Variants in THNSL1 observed in about 807,000 individuals in gnomAD.
THNSL1 encodes threonine synthase-like 1.
THNSL1 carries 48 observed loss-of-function variants against 50.4 expected under a neutral mutation model. The ratio of observed to expected loss-of-function variants is 0.95; its 90% CI spans 0.76 to 1.21. THNSL1 has a LOEUF of 1.21. Among genes scored for constraint, THNSL1 ranks in the 50% most tolerant of loss-of-function variants. THNSL1 has a pLI of 0.00. For synonymous variants in THNSL1, 309 were observed against 306.1 expected, an observed-to-expected ratio of 1.01 and a Z score of -0.10; for missense variants, 896 against 871.7, an observed-to-expected ratio of 1.03 and a Z score of -0.35.
chr10:24,998,358 CCTCT>C, the THNSL1 span, among the ~76,000 whole-genome samples: 4,141 of 117,272 alleles, frequency 0.035, 220 homozygotes, highest in African/African-American at 0.12. Flanking sequence ...TTCCTTCCTT[CCTCT>C]CTCTCTCTCT....
At chr10:24,966,277 A>T in the THNSL1 span, among the ~76,000 whole-genome samples, 2 of 152,256 alleles carry the variant, frequency 1.3e-5, no homozygotes, top group Non-Finnish European at 2.9e-5. Context: ...AAAAAATGAA[A>T]TGTGTGCAAA....
upstream of THNSL1, among the ~76,000 whole-genome samples, chr10:25,012,026 C>T (rs752430515): frequency 6.6e-6 from 1 of 152,182 alleles, no homozygotes; most frequent in African/African-American, 2.4e-5. Flanking sequence ...GGACTTGGTG[C>T]CCTGAGTCAC....
chr10:24,964,375 G>A, the THNSL1 span, among the ~76,000 whole-genome samples: 1 of 152,200 alleles, frequency 6.6e-6, no homozygotes, highest in African/African-American at 2.4e-5. Context: ...AATAACGAGA[G>A]AAAAGTTTGT....
intron 1 of THNSL1, among the ~76,000 whole-genome samples, chr10:25,017,038 GGGACCGCCCCTT>G (rs1339372682): frequency 6.6e-6 from 1 of 152,136 alleles, no homozygotes; most frequent in Non-Finnish European, 1.5e-5. Flanking sequence ...CCCTGCTCCC[GGGACCGCCCCTT>G]GGGCGGTCCT....
the THNSL1 span, among the ~76,000 whole-genome samples, chr10:24,963,026 A>C: frequency 6.6e-6 from 1 of 151,266 alleles, no homozygotes; most frequent in South Asian, 2.1e-4. Flanking sequence ...CAGAAATAAT[A>C]ATTTCTTTCT....
the THNSL1 span, among the ~76,000 whole-genome samples, chr10:25,006,393 C>G: frequency 2.0e-5 from 3 of 152,074 alleles, no homozygotes; most frequent in Non-Finnish European, 2.9e-5. Flanking sequence ...AACATTTGTG[C>G]TCCTCTGTGA....
At chr10:24,986,660 G>A in the THNSL1 span, among the ~76,000 whole-genome samples, 1 of 152,104 alleles carries the variant, frequency 6.6e-6, no homozygotes, top group African/African-American at 2.4e-5. Context: ...AGCAGCTACA[G>A]TTTTTCTCTG....
At chr10:25,008,821 G>T in the THNSL1 span, among the ~76,000 whole-genome samples, 7,896 of 152,182 alleles carry the variant, frequency 0.052, 289 homozygotes, top group Non-Finnish European at 0.076. Context: ...GTTTATTGTG[G>T]CACTATTCAC....
chr10:24,953,993 T>C, the THNSL1 span, among the ~76,000 whole-genome samples: 33,716 of 152,150 alleles, frequency 0.22, 10,631 homozygotes, highest in African/African-American at 0.7. Flanking sequence ...GTGTTGTTTC[T>C]CAGCACACGG....
the THNSL1 span, among the ~76,000 whole-genome samples, chr10:24,965,932 C>A: frequency 0.03 from 4,587 of 152,274 alleles, 215 homozygotes; most frequent in African/African-American, 0.1. Flanking sequence ...GGTTGTGTAA[C>A]TTGGGAGGTT....
chr10:24,952,410 G>A, the THNSL1 span: 2 of 1,200,008 alleles, frequency 1.7e-6, no homozygotes, highest in Non-Finnish European at 2.4e-6. The surrounding 1 kb of genome is among the most constrained non-coding windows in gnomAD (Gnocchi z 5.1). Flanking sequence ...CGCCGGGAGG[G>A]AGAACAAAGC....
intron 1 of THNSL1, among the ~76,000 whole-genome samples, chr10:25,017,799 G>T (rs1182564730): frequency 1.3e-5 from 2 of 151,930 alleles, no homozygotes; most frequent in Non-Finnish European, 2.9e-5. Flanking sequence ...TTTCGCCCTT[G>T]AGTATTTTAT....
the THNSL1 span, among the ~76,000 whole-genome samples, chr10:24,963,103 A>T: frequency 6.6e-6 from 1 of 152,238 alleles, no homozygotes; most frequent in Non-Finnish European, 1.5e-5. Flanking sequence ...ACAATCAGCC[A>T]CAGAGTACAG....
the THNSL1 span, among the ~76,000 whole-genome samples, chr10:24,996,877 G>T: frequency 6.6e-6 from 1 of 152,142 alleles, no homozygotes; most frequent in African/African-American, 2.4e-5. Flanking sequence ...AACTGTATTT[G>T]TAGAAAGGTC....
chr10:25,011,166 G>A, the THNSL1 span, among the ~76,000 whole-genome samples: 1 of 152,026 alleles, frequency 6.6e-6, no homozygotes, highest in Non-Finnish European at 1.5e-5. Flanking sequence ...ATCTCACTGT[G>A]GTTTTGATTT....
At chr10:24,958,667 C>T in the THNSL1 span, among the ~76,000 whole-genome samples, 3 of 152,154 alleles carry the variant, frequency 2.0e-5, no homozygotes, top group Non-Finnish European at 4.4e-5. Context: ...CAAATAAAGC[C>T]AAGGCTACAC....
At chr10:24,986,728 A>G in the THNSL1 span, among the ~76,000 whole-genome samples, 28 of 152,188 alleles carry the variant, frequency 1.8e-4, no homozygotes, top group Non-Finnish European at 3.7e-4. Flanking sequence ...TAACGTTTGG[A>G]TCAAAGTCAA....
At chr10:24,972,230 G>A in the THNSL1 span, among the ~76,000 whole-genome samples, 10 of 145,914 alleles carry the variant, frequency 6.9e-5, no homozygotes, top group African/African-American at 1.0e-4. Context: ...ACACTAGGCC[G>A]GGAGTGGTGG....
At chr10:24,972,793 T>C in the THNSL1 span, among the ~76,000 whole-genome samples, 6 of 152,184 alleles carry the variant, frequency 3.9e-5, no homozygotes, top group African/African-American at 1.2e-4. Flanking sequence ...ACACTGACAA[T>C]TGTGAGAGGA....
Sources: gnomAD v4.1 joint callset for allele counts (sites outside exome capture counted in the v4.1 genomes callset) on GRCh38, gnomAD v4.1.1 for gene constraint, Gnocchi (gnomAD v3.1) non-coding constraint, MANE v1.5 for transcripts, NCBI Gene and HGNC (gene_info 2026-07-23, HGNC 2026-07-21) for gene names.